Variants in PDE1A observed in about 807,000 individuals in gnomAD.
PDE1A encodes phosphodiesterase 1A.
Under a neutral mutation model 61.7 loss-of-function variants are expected in PDE1A, and 35 were observed. The observed-to-expected ratio is 0.57, with a 90% CI of 0.43 to 0.75. The LOEUF is 0.75. Ranked by LOEUF, PDE1A falls within the 30% of genes least tolerant of loss-of-function variation. The pLI, the probability that PDE1A is intolerant of heterozygous loss-of-function variation, is 0.00. For missense variants in PDE1A, 597 were observed against 630.6 expected (o/e 0.95, Z 0.57); for synonymous variants, 232 against 213.2 (o/e 1.09, Z -0.77).
At chr2:182,445,907 T>G (rs1298331906) in intron 2 of PDE1A, among the ~76,000 whole-genome samples, 1 of 152,090 alleles carries the variant, frequency 6.6e-6, no homozygotes, top group African/African-American at 2.4e-5. Flanking sequence ...TCAAGGTACT[T>G]TGGCATCAGA....
At chr2:182,198,791 G>A (rs992630953) in intron 10 of PDE1A, among the ~76,000 whole-genome samples, 11 of 151,548 alleles carry the variant, frequency 7.3e-5, no homozygotes, top group African/African-American at 2.4e-4. Context: ...TTCTTTACTT[G>A]AAAAGTCTTT....
the PDE1A span, among the ~76,000 whole-genome samples, chr2:182,549,068 T>C: frequency 6.6e-6 from 1 of 152,194 alleles, no homozygotes; most frequent in African/African-American, 2.4e-5. Context: ...CTTGAAGTTC[T>C]CAAGTATAAT....
At chr2:182,537,592 A>G in the PDE1A span, among the ~76,000 whole-genome samples, 7 of 152,144 alleles carry the variant, frequency 4.6e-5, no homozygotes, top group Non-Finnish European at 1.0e-4. Context: ...GCACGGGTAT[A>G]CCTATGTAAC....
At chr2:182,532,639 A>C in the PDE1A span, among the ~76,000 whole-genome samples, 1 of 152,206 alleles carries the variant, frequency 6.6e-6, no homozygotes, top group Non-Finnish European at 1.5e-5. Context: ...ATGTTTACTA[A>C]AAACCTTTGA....
At chr2:182,668,437 G>T in the PDE1A span, among the ~76,000 whole-genome samples, 5 of 150,924 alleles carry the variant, frequency 3.3e-5, no homozygotes, top group Non-Finnish European at 7.4e-5. Flanking sequence ...GCATGAGACC[G>T]AAAAAAAGGC....
At chr2:182,641,536 T>C in the PDE1A span, among the ~76,000 whole-genome samples, 3 of 152,072 alleles carry the variant, frequency 2.0e-5, no homozygotes, top group Non-Finnish European at 4.4e-5. Flanking sequence ...TCCAAATGAG[T>C]TTTTTGGACT....
the PDE1A span, among the ~76,000 whole-genome samples, chr2:182,596,604 A>G: frequency 6.6e-6 from 1 of 152,172 alleles, no homozygotes; most frequent in Admixed American, 6.5e-5. Context: ...AAAAACAAAT[A>G]AGGCTATCAA....
At chr2:182,388,213 A>C (rs1304454402) in intron 1 of PDE1A, among the ~76,000 whole-genome samples, 2 of 152,240 alleles carry the variant, frequency 1.3e-5, no homozygotes, top group Admixed American at 6.5e-5. Context: ...AGAGAGAGAC[A>C]CACTGCAATA....
chr2:182,539,963 G>A, the PDE1A span, among the ~76,000 whole-genome samples: 1 of 152,068 alleles, frequency 6.6e-6, no homozygotes, highest in African/African-American at 2.4e-5. Flanking sequence ...GCTTTTTATT[G>A]TAGCATTACT....
the PDE1A span, among the ~76,000 whole-genome samples, chr2:182,620,096 T>C: frequency 1.3e-5 from 2 of 152,206 alleles, no homozygotes; most frequent in East Asian, 3.9e-4. Context: ...CCATGACACA[T>C]AGTCTACTGG....
chr2:182,430,069 G>C (rs1355007147), upstream of PDE1A, among the ~76,000 whole-genome samples: 1 of 152,144 alleles, frequency 6.6e-6, no homozygotes, highest in East Asian at 1.9e-4. Context: ...GAAAGGATTA[G>C]ATGGCATTTT....
upstream of PDE1A, among the ~76,000 whole-genome samples, chr2:182,430,648 A>G (rs1703888356): frequency 8.8e-6 from 1 of 113,578 alleles, no homozygotes; most frequent in African/African-American, 3.0e-5. Context: ...CTATAAAGAC[A>G]CATGCACACG....
intron 2 of PDE1A, among the ~76,000 whole-genome samples, chr2:182,502,427 G>T (rs1689138765): frequency 6.6e-6 from 1 of 152,068 alleles, no homozygotes; most frequent in African/African-American, 2.4e-5. Context: ...ATGCCAGAGA[G>T]CCCTCGATCC....
intron 2 of PDE1A, among the ~76,000 whole-genome samples, chr2:182,491,899 T>A (rs898570906): frequency 1.3e-5 from 2 of 152,212 alleles, no homozygotes; most frequent in Non-Finnish European, 2.9e-5. Flanking sequence ...GCTTTTTATC[T>A]CATTCTACAT....
At chr2:182,700,728 A>AAAAAAAAAAAAC in the PDE1A span, among the ~76,000 whole-genome samples, 1 of 143,334 alleles carries the variant, frequency 7.0e-6, no homozygotes, top group Non-Finnish European at 1.5e-5. Flanking sequence ...TCTCAAAAAA[A>AAAAAAAAAAAAC]AAAAAAAAAA....
At chr2:182,406,362 T>C (rs946970533) in intron 1 of PDE1A, among the ~76,000 whole-genome samples, 1 of 115,668 alleles carries the variant, frequency 8.6e-6, no homozygotes, top group South Asian at 4.0e-4. Flanking sequence ...TTTAGGTTTT[T>C]TGGCTCACAG....
chr2:182,282,899 C>T (rs1248280721), intron 1 of PDE1A, among the ~76,000 whole-genome samples: 5 of 151,810 alleles, frequency 3.3e-5, no homozygotes, highest in East Asian at 3.9e-4. Flanking sequence ...GTGGACACTG[C>T]GCCTTAAACT....
chr2:182,413,613 T>A (rs1702745899), intron 1 of PDE1A, among the ~76,000 whole-genome samples: 1 of 152,232 alleles, frequency 6.6e-6, no homozygotes, highest in South Asian at 2.1e-4. Flanking sequence ...TAGGCTAACC[T>A]GTTCCTCTAA....
chr2:182,434,785 A>T (rs1308072523), intron 2 of PDE1A, among the ~76,000 whole-genome samples: 2 of 152,074 alleles, frequency 1.3e-5, no homozygotes, highest in Non-Finnish European at 2.9e-5. Context: ...CTATTCACTC[A>T]ATAGCTTTAT....
Sources: allele counts gnomAD v4.1 joint callset (sites outside exome capture counted in the v4.1 genomes callset), GRCh38; gene constraint gnomAD v4.1.1; transcripts MANE v1.5; gene names NCBI Gene and HGNC (gene_info 2026-07-23, HGNC 2026-07-21).